Variants in PCDH9 observed in about 807,000 individuals in gnomAD.
PCDH9 encodes the protein protocadherin 9.
PCDH9 carries 24 observed loss-of-function variants against 70.6 expected under a neutral mutation model. That is an observed-to-expected ratio of 0.34 (90% CI 0.25 to 0.48). The LOEUF (loss-of-function observed/expected upper bound fraction) is 0.48. Among genes scored for constraint, PCDH9 ranks in the 20% least tolerant of loss-of-function variants. The probability of loss-of-function intolerance (pLI) is 0.99; values close to 1 mark genes in which losing one functional copy is unlikely to be tolerated. For missense variants in PCDH9, 1,281 were observed against 1,503.6 expected, an observed-to-expected ratio of 0.85 and a Z score of 2.45; for synonymous variants, 562 against 558.5, an observed-to-expected ratio of 1.01 and a Z score of -0.09.
intron 4 of PCDH9, among the ~76,000 whole-genome samples, chr13:66,627,249 A>T (rs960464332): frequency 1.3e-5 from 2 of 152,050 alleles, no homozygotes; most frequent in African/African-American, 4.8e-5. Context: ...TAAAATCACA[A>T]CTCTTCGGGA....
At chr13:66,964,625 A>G (rs992082329) in intron 2 of PCDH9, among the ~76,000 whole-genome samples, 3 of 152,100 alleles carry the variant, frequency 2.0e-5, no homozygotes, top group African/African-American at 7.2e-5. Context: ...AAAAAAAAAA[A>G]ATATTCTTCA....
At chr13:66,552,913 A>G (rs1324003314) in intron 4 of PCDH9, among the ~76,000 whole-genome samples, 1 of 152,126 alleles carries the variant, frequency 6.6e-6, no homozygotes, top group Non-Finnish European at 1.5e-5. Context: ...CAGAAGGGGA[A>G]GCAAACACGT....
intron 4 of PCDH9, among the ~76,000 whole-genome samples, chr13:66,312,940 C>T (rs922190010): frequency 3.3e-5 from 5 of 152,124 alleles, no homozygotes; most frequent in African/African-American, 9.7e-5. Flanking sequence ...CACATGGCCA[C>T]GCCAAGCAGG....
intron 1 of PCDH9, among the ~76,000 whole-genome samples, chr13:67,229,423 C>T (rs116899985): frequency 0.017 from 2,575 of 152,274 alleles, 29 homozygotes; most frequent in Non-Finnish European, 0.025. Context: ...TTTCTTAATC[C>T]TGATCTCTGG....
At chr13:67,220,532 T>C (rs1474368720) in intron 2 of PCDH9, 1 of 152,022 alleles carries the variant, frequency 6.6e-6, no homozygotes, top group Non-Finnish European at 1.5e-5. Flanking sequence ...AATAAGAATA[T>C]GTTTACACCA....
chr13:66,641,276 C>T (rs1174593459), intron 3 of PCDH9, among the ~76,000 whole-genome samples: 2 of 152,152 alleles, frequency 1.3e-5, no homozygotes, highest in Non-Finnish European at 2.9e-5. Context: ...CCCTGTAGCA[C>T]AGCTTTCTAG....
At chr13:66,521,985 G>A (rs1381792485) in intron 4 of PCDH9, among the ~76,000 whole-genome samples, 1 of 150,064 alleles carries the variant, frequency 6.7e-6, no homozygotes, top group East Asian at 1.9e-4. Flanking sequence ...TCCAGCCTGA[G>A]TGACAAAGTG....
intron 2 of PCDH9, among the ~76,000 whole-genome samples, chr13:67,128,438 C>G (rs1426758455): frequency 6.6e-6 from 1 of 152,188 alleles, no homozygotes; most frequent in Non-Finnish European, 1.5e-5. Context: ...TGAAATGTGA[C>G]TGACATCTCA....
chr13:66,852,320 T>C (rs2081327258), intron 3 of PCDH9, among the ~76,000 whole-genome samples: 1 of 152,260 alleles, frequency 6.6e-6, no homozygotes, highest in Middle Eastern at 3.4e-3. Context: ...TGTTATCTGT[T>C]AGACAAAGAC....
chr13:66,631,553 A>T (rs998155362), intron 3 of PCDH9, 142 bp from the exon 4 acceptor site: 8 of 592,890 alleles, frequency 1.3e-5, no homozygotes, highest in Non-Finnish European at 2.4e-5. Flanking sequence ...GCTAAGAACA[A>T]GTATTAATTA....
intron 2 of PCDH9, among the ~76,000 whole-genome samples, chr13:67,072,557 T>G (rs2085788496): frequency 6.6e-6 from 1 of 152,150 alleles, no homozygotes; most frequent in Non-Finnish European, 1.5e-5. Flanking sequence ...ATCTTCCTTT[T>G]TTATAGGGAT....
At chr13:66,902,779 T>G (rs917008650) in intron 3 of PCDH9, among the ~76,000 whole-genome samples, 6 of 151,534 alleles carry the variant, frequency 4.0e-5, no homozygotes, top group African/African-American at 1.5e-4. Context: ...ACGGCTCAGA[T>G]AGTAAGTTGT....
At chr13:66,799,089 G>A (rs760472777) in intron 3 of PCDH9, among the ~76,000 whole-genome samples, 8 of 152,064 alleles carry the variant, frequency 5.3e-5, no homozygotes, top group Non-Finnish European at 1.0e-4. Context: ...TGCTTACAGG[G>A]ATTACAGGCG....
At chr13:66,363,189 G>C (rs1956500065) in intron 4 of PCDH9, among the ~76,000 whole-genome samples, 1 of 152,000 alleles carries the variant, frequency 6.6e-6, no homozygotes, top group South Asian at 2.1e-4. Flanking sequence ...AAAAAATAAA[G>C]AAAAAGAGAT....
At chr13:66,608,951 C>T (rs2077256105) in intron 4 of PCDH9, among the ~76,000 whole-genome samples, 1 of 152,146 alleles carries the variant, frequency 6.6e-6, no homozygotes, top group Admixed American at 6.5e-5. Flanking sequence ...GCTAAGGGAC[C>T]TCACACGGTC....
At chr13:66,856,042 A>G (rs186321801) in intron 3 of PCDH9, among the ~76,000 whole-genome samples, 1 of 152,108 alleles carries the variant, frequency 6.6e-6, no homozygotes, top group African/African-American at 2.4e-5. Flanking sequence ...TGAATACACT[A>G]TAGGTATAGG....
chr13:67,010,679 A>G (rs1459732284), intron 2 of PCDH9, among the ~76,000 whole-genome samples: 1 of 151,954 alleles, frequency 6.6e-6, no homozygotes, highest in Non-Finnish European at 1.5e-5. Context: ...ATTCATGACA[A>G]TTCTGGACTC....
At chr13:66,833,232 C>A (rs1181083040) in intron 3 of PCDH9, among the ~76,000 whole-genome samples, 1 of 152,138 alleles carries the variant, frequency 6.6e-6, no homozygotes, top group East Asian at 1.9e-4. Context: ...ACATAATATG[C>A]CCAAACTTAT....
chr13:66,962,562 A>G (rs2083365692), intron 2 of PCDH9, among the ~76,000 whole-genome samples: 1 of 152,188 alleles, frequency 6.6e-6, no homozygotes, highest in Admixed American at 6.5e-5. Context: ...AGCCTACAAA[A>G]CCTAGTGTTA....
Sources: gnomAD v4.1 joint callset for allele counts (sites outside exome capture counted in the v4.1 genomes callset) on GRCh38, gnomAD v4.1.1 for gene constraint, MANE v1.5 for transcripts, NCBI Gene and HGNC (gene_info 2026-07-23, HGNC 2026-07-21) for gene names.